CCDC102B: variants seen among roughly 807,000 people sequenced by gnomAD.
CCDC102B encodes coiled-coil domain-containing protein 102B.
CCDC102B carries 75 observed loss-of-function variants against 57.4 expected under a neutral mutation model. That is an observed-to-expected ratio of 1.31 (90% CI 1.08 to 1.58). The LOEUF (loss-of-function observed/expected upper bound fraction) is 1.58, where lower values mean the gene tolerates loss of function less well. Ranked by LOEUF, CCDC102B falls within the 40% of genes most tolerant of loss-of-function variation. The probability of loss-of-function intolerance (pLI) is 0.00; values close to 1 mark genes in which losing one functional copy is unlikely to be tolerated. For missense variants in CCDC102B, 636 were observed against 582.6 expected (o/e 1.09, Z -0.94); for synonymous variants, 206 against 201.9 (o/e 1.02, Z -0.17).
chr18:68,946,881 T>C lies in CCDC102B; in HGVS notation c.1263+49453T>C, dbSNP rs558844339. On this transcript the variant is annotated intron_variant, in intron 6 of 7. Coordinates refer to ENST00000360242, the MANE Select transcript of CCDC102B (RefSeq NM_024781.3). ...TATTATTCTGTGAGGGGAATAATGC[T>C]GCAGGCCCTTGGTTTCTATATAGTA... 4.6e-5 allele frequency among the ~76,000 whole-genome samples: 7 copies of C among 152,154 alleles called. No individual in the cohort carries two copies. The South Asian group carries it at 1.5e-3, about 32-fold the overall frequency.
At chr18:69,050,151 A>G (rs1464416390) in intron 7 of CCDC102B, among the ~76,000 whole-genome samples, 1 of 150,716 alleles carries the variant, frequency 6.6e-6, no homozygotes, top group Non-Finnish European at 1.5e-5. Flanking sequence ...CTATGAGCCA[A>G]GTGTTGAAGG....
chr18:68,761,662 A>G (rs578073559), intron 2 of CCDC102B, among the ~76,000 whole-genome samples: 2 of 152,172 alleles, frequency 1.3e-5, no homozygotes, highest in South Asian at 4.1e-4. Context: ...ATTTTTGGAT[A>G]TTATATAACT....
intron 7 of CCDC102B, among the ~76,000 whole-genome samples, chr18:69,035,781 A>C (rs1487936226): frequency 6.6e-6 from 1 of 152,152 alleles, no homozygotes; most frequent in South Asian, 2.1e-4. Flanking sequence ...CTCTGTATTA[A>C]TGATTCAAAA....
At chr18:68,738,896 A>G (rs1488047324) in intron 2 of CCDC102B, among the ~76,000 whole-genome samples, 1 of 151,630 alleles carries the variant, frequency 6.6e-6, no homozygotes, top group East Asian at 1.9e-4. Flanking sequence ...AGCACTCCCC[A>G]TGATACGCCC....
intron 7 of CCDC102B, among the ~76,000 whole-genome samples, chr18:69,050,692 A>T (rs1172544815): frequency 1.3e-5 from 2 of 152,190 alleles, no homozygotes; most frequent in Non-Finnish European, 2.9e-5. Flanking sequence ...CTCTGTGGAT[A>T]TGAAACTTGC....
intron 6 of CCDC102B, among the ~76,000 whole-genome samples, chr18:68,933,559 C>A (rs548459819): frequency 1.3e-5 from 2 of 151,924 alleles, no homozygotes; most frequent in South Asian, 4.1e-4. Context: ...GTTCAAAATA[C>A]TTAATGAGTA....
At chr18:68,924,824 G>A (rs1463610251) in intron 6 of CCDC102B, among the ~76,000 whole-genome samples, 1 of 152,066 alleles carries the variant, frequency 6.6e-6, no homozygotes, top group East Asian at 1.9e-4. Flanking sequence ...TTTGAGATTA[G>A]CTGAGTTGTA....
chr18:68,894,021 A>G (rs79600207), intron 5 of CCDC102B, among the ~76,000 whole-genome samples: 1,623 of 151,984 alleles, frequency 0.011, 37 homozygotes, highest in East Asian at 0.081. Flanking sequence ...TTAAACTTCA[A>G]TTTGCAGCTT....
chr18:69,021,578 C>A (rs2051833572), intron 7 of CCDC102B, among the ~76,000 whole-genome samples: 1 of 152,182 alleles, frequency 6.6e-6, no homozygotes. Context: ...GATATTCAAT[C>A]CTAAGTATAT....
chr18:69,011,981 T>C (rs186790605), intron 7 of CCDC102B, among the ~76,000 whole-genome samples: 83 of 152,326 alleles, frequency 5.4e-4, no homozygotes, highest in Admixed American at 9.8e-4. Flanking sequence ...CTGGATTTTC[T>C]TCTCTAATAA....
chr18:68,836,210 A>G (rs769098782), intron 1 of CCDC102B, among the ~76,000 whole-genome samples: 5 of 152,212 alleles, frequency 3.3e-5, no homozygotes, highest in East Asian at 1.9e-4. Context: ...GCTATCTTCA[A>G]TTGCATCTTT....
intron 2 of CCDC102B, chr18:68,718,236 T>G (rs1202247510): frequency 1.3e-5 from 2 of 152,260 alleles, no homozygotes; most frequent in Non-Finnish European, 2.9e-5. Flanking sequence ...CAGGACAGTT[T>G]GTAATTGTGA....
chr18:68,799,953 T>G (rs2035786366), intron 1 of CCDC102B, among the ~76,000 whole-genome samples: 1 of 152,126 alleles, frequency 6.6e-6, no homozygotes, highest in Non-Finnish European at 1.5e-5. Context: ...AATTGCAAGT[T>G]TCTGAAAAGA....
downstream of CCDC102B, among the ~76,000 whole-genome samples, chr18:69,058,018 C>G (rs2052844226): frequency 6.6e-6 from 1 of 151,956 alleles, no homozygotes; most frequent in Non-Finnish European, 1.5e-5. Context: ...CTAATAGTCC[C>G]CAGTGGCTAT....
chr18:68,734,563 C>T (rs2145209324), intron 2 of CCDC102B, among the ~76,000 whole-genome samples: 1 of 152,204 alleles, frequency 6.6e-6, no homozygotes, highest in East Asian at 1.9e-4. Flanking sequence ...TCAAATGTCA[C>T]AATTTTAACT....
chr18:68,891,496 C>A (rs188130729), intron 5 of CCDC102B, among the ~76,000 whole-genome samples: 12 of 152,322 alleles, frequency 7.9e-5, no homozygotes, highest in Middle Eastern at 3.4e-3. Context: ...CTTCTAGTAG[C>A]TTTGTATAGA....
At chr18:68,911,734 A>G (rs1292766571) in intron 6 of CCDC102B, among the ~76,000 whole-genome samples, 35 of 103,936 alleles carry the variant, frequency 3.4e-4, no homozygotes, top group African/African-American at 1.0e-3. Context: ...CCTGGGCGAC[A>G]GAGCGAGACT....
At chr18:68,966,142 T>A (rs770691672) in intron 6 of CCDC102B, among the ~76,000 whole-genome samples, 3 of 152,190 alleles carry the variant, frequency 2.0e-5, no homozygotes, top group Non-Finnish European at 4.4e-5. Context: ...CTCATTTTTT[T>A]AAACATTCTC....
At chr18:68,830,722 T>G (rs1027936941) in intron 1 of CCDC102B, among the ~76,000 whole-genome samples, 1 of 150,444 alleles carries the variant, frequency 6.6e-6, no homozygotes, top group Non-Finnish European at 1.5e-5. Context: ...TCTCAAAATT[T>G]GTACACTGGT....
Sources: allele counts gnomAD v4.1 joint callset (sites outside exome capture counted in the v4.1 genomes callset), GRCh38; gene constraint gnomAD v4.1.1; transcripts MANE v1.5; gene names NCBI Gene and HGNC (gene_info 2026-07-23, HGNC 2026-07-21).